KIR3DL2: variants seen among roughly 807,000 people sequenced by gnomAD.
KIR3DL2 encodes killer cell immunoglobulin-like receptor 3DL2.
KIR3DL2 carries 42 observed loss-of-function variants against 41.6 expected under a neutral mutation model. The ratio of observed to expected loss-of-function variants is 1.01; its 90% CI spans 0.79 to 1.31. The LOEUF (loss-of-function observed/expected upper bound fraction) is 1.31, where lower values mean the gene tolerates loss of function less well. KIR3DL2 is among the 50% of genes most tolerant of loss of function. KIR3DL2 has a pLI of 0.00. For missense variants in KIR3DL2, 728 were observed against 576.8 expected, an observed-to-expected ratio of 1.26 and a Z score of -2.68; for synonymous variants, 230 against 221.3, an observed-to-expected ratio of 1.04 and a Z score of -0.35.
In KIR3DL2 at chr19:54,866,523, A is replaced by G. The variant is rs771603824; in HGVS notation, c.1160A>G (p.Asp387Gly). The change falls in exon 9 of 9, where the codon GAC becomes GGC. Residue 387 changes from aspartate to glycine, a missense_variant and splice_region_variant. Coordinates refer to ENST00000326321, the MANE Select transcript of KIR3DL2 (RefSeq NM_006737.4). ...PAGDRTVNRQ[D>G]SDEQDPQEVT... ...CACTCAGCATTTCCCTCTCTCCAGG[A>G]CTCTGATGAACAAGACCCTCAGGAG... is the stretch of plus-strand genomic sequence containing the variant. The G allele has an allele frequency of 4.2e-4, 675 of 1,613,752 alleles. 2 individuals are homozygous for G. Among genetic ancestry groups the G allele is most frequent in the Non-Finnish European group, 5.6e-4 (658 of 1,179,940 alleles).
chr19:54,863,841 G>T (rs1266247364), intron 6 of KIR3DL2, among the ~76,000 whole-genome samples: 2 of 151,984 alleles, frequency 1.3e-5, no homozygotes, highest in Admixed American at 6.5e-5. Flanking sequence ...CTTTTGCTGT[G>T]CAGAAGCTCT....
chr19:54,852,611 G>A (rs935703251), intron 3 of KIR3DL2, among the ~76,000 whole-genome samples: 13 of 150,530 alleles, frequency 8.6e-5, no homozygotes, highest in Admixed American at 1.3e-4. Context: ...AAGGGTCCGC[G>A]TGAGAGGTGG....
chr19:54,851,986 C>T lies in KIR3DL2; in HGVS notation c.71-12C>T. On this transcript the variant is annotated splice_polypyrimidine_tract_variant and intron_variant, in intron 2 of 8. Coordinates refer to ENST00000326321, the MANE Select transcript of KIR3DL2 (RefSeq NM_006737.4). ...ATCCTCCTCTCTAAGGCAGTGCCTCCTTCTCCCCCAGGTGGTCAGGACAAA... is the reference window on the plus strand; with the variant it reads ...ATCCTCCTCTCTAAGGCAGTGCCTCTTTCTCCCCCAGGTGGTCAGGACAAA... 2 of 1,607,504 alleles carry T rather than the reference C, an allele frequency of 1.2e-6. No homozygotes were observed. Among genetic ancestry groups the T allele is most frequent in the South Asian group, 1.1e-5 (1 of 90,994 alleles).
At position 54,860,664 on chromosome 19, in the gene KIR3DL2, G is replaced by C. The variant is rs372439863; in HGVS notation, c.1000+1535G>C. On this transcript the variant is annotated intron_variant, in intron 6 of 8. Coordinates refer to ENST00000326321, the MANE Select transcript of KIR3DL2 (RefSeq NM_006737.4). The stretch of plus-strand genomic sequence containing the variant: ...CGCTGGGATAAGAGGCATGAGCCAC[G>C]GGGCCAAGCCAAATTTTCAAATCAA... 9.4e-5 allele frequency among the ~76,000 whole-genome samples: 14 copies of C among 149,280 alleles called. 1 individual carries two copies. The highest frequency in any genetic ancestry group is 4.3e-4 in the South Asian group (2 of 4,672).
chr19:54,866,366 A>C lies in KIR3DL2; in HGVS notation c.1106-4A>C. On this transcript the variant is annotated splice_region_variant and splice_polypyrimidine_tract_variant and intron_variant, in intron 7 of 8. Coordinates refer to ENST00000326321, the MANE Select transcript of KIR3DL2 (RefSeq NM_006737.4). ...GCGGTTTTGATGACTTCCGTCTCCT[A>C]CAGATGCTGCTGTAATGGACCAAGA... The C allele has an allele frequency of 6.2e-7, 1 of 1,613,952 alleles. No individual in the cohort carries two copies. Among genetic ancestry groups the C allele is most frequent in the Non-Finnish European group, 8.5e-7 (1 of 1,179,946 alleles).
chr19:54,860,410 G>A lies in KIR3DL2; in HGVS notation c.1000+1281G>A, dbSNP rs1374693576. Among the ~76,000 whole-genome samples, 12 of 152,086 alleles carry A rather than the reference G, an allele frequency of 7.9e-5. No homozygotes were observed. In the South Asian group the frequency reaches 8.3e-4, roughly 11 times the overall value. On this transcript the variant is annotated intron_variant, in intron 6 of 8. Transcript: ENST00000326321. Reference sequence around the variant, plus strand: ...TATTGAGACGGAGCCTTGCTCTGTCGTCCAGGCTAGAGTGCGGTGGCATGA... The same window carrying A: ...TATTGAGACGGAGCCTTGCTCTGTCATCCAGGCTAGAGTGCGGTGGCATGA...
intron 6 of KIR3DL2, among the ~76,000 whole-genome samples, chr19:54,859,366 C>T (rs373698206): frequency 1.4e-4 from 21 of 152,212 alleles, no homozygotes; most frequent in African/African-American, 4.8e-4. Context: ...GAATAATTGC[C>T]AATCTGACAT....
At chr19:54,864,049 G>T (rs2065351032) in intron 6 of KIR3DL2, among the ~76,000 whole-genome samples, 2 of 152,048 alleles carry the variant, frequency 1.3e-5, no homozygotes, top group Admixed American at 1.3e-4. Flanking sequence ...TGTAAGGAAG[G>T]GATCCAGTTT....
At chr19:54,856,681 T>C (rs1601773064) in intron 5 of KIR3DL2, among the ~76,000 whole-genome samples, 1 of 151,906 alleles carries the variant, frequency 6.6e-6, no homozygotes, top group Non-Finnish European at 1.5e-5. Flanking sequence ...GAGACTCTGT[T>C]TCTAAATAAA....
chr19:54,862,270 T>G (rs564548902), intron 6 of KIR3DL2, among the ~76,000 whole-genome samples: 1 of 152,116 alleles, frequency 6.6e-6, no homozygotes, highest in Non-Finnish European at 1.5e-5. Context: ...TTCACTTTTG[T>G]GTCCTTTTCT....
chr19:54,850,447 C>A lies in KIR3DL2; in HGVS notation c.-29C>A. On this transcript the variant is annotated 5_prime_UTR_variant, in exon 1 of 9. Transcript: ENST00000326321. ...TGTGCGCTGCTGAGCTGAGCTGGGG[C>A]GCGGCCTCCTGTCTGCACCGGCAGC... 6.2e-7 allele frequency: 1 copy of A among 1,607,496 alleles called. No individual in the cohort carries two copies. The highest frequency in any genetic ancestry group is 8.5e-7 in the Non-Finnish European group (1 of 1,179,694).
At chr19:54,858,125 T>A (rs1292535824) in intron 5 of KIR3DL2, among the ~76,000 whole-genome samples, 1 of 151,576 alleles carries the variant, frequency 6.6e-6, no homozygotes, top group African/African-American at 2.4e-5. Flanking sequence ...TGGTTTATCT[T>A]TGGTGGTGCA....
intron 6 of KIR3DL2, among the ~76,000 whole-genome samples, chr19:54,859,393 G>T (rs1332995269): frequency 6.6e-6 from 1 of 152,122 alleles, no homozygotes; most frequent in Admixed American, 6.5e-5. Flanking sequence ...CAGGAAAAAT[G>T]CAGTGTTTTT....
rs750732527 is a variant in KIR3DL2, at chr19:54,855,847, G to T, written c.884G>T (p.Gly295Val). The T allele has an allele frequency of 1.9e-6, 3 of 1,613,432 alleles. No individual in the cohort carries two copies. The highest frequency in any genetic ancestry group is 1.7e-5 in the Admixed American group (1 of 59,982). The change falls in exon 5 of 9, where the codon GGC (glycine) becomes GTC (valine). Residue 295 changes from glycine to valine, a missense_variant. Gly to Val is a moderately radical substitution (Grantham distance 109). Coordinates refer to ENST00000326321, the MANE Select transcript of KIR3DL2 (RefSeq NM_006737.4). The part of the protein sequence containing the change: ...ATHGGTYRCF[G>V]SFRALPCVWS... ...CACGGAGGGACCTACAGATGCTTCG[G>T]CTCTTTCCGTGCCCTGCCCTGCGTG...
intron 5 of KIR3DL2, among the ~76,000 whole-genome samples, chr19:54,856,479 G>A (rs1240406103): frequency 2.6e-5 from 4 of 151,556 alleles, no homozygotes; most frequent in South Asian, 2.1e-4. Context: ...TCAGGGACTC[G>A]AGATCAGCCT....
At position 54,866,559 on chromosome 19, in the gene KIR3DL2, C is replaced by A. The variant is rs754703452; in HGVS notation, c.1196C>A (p.Ala399Glu). 9 of 1,613,970 alleles carry A rather than the reference C, an allele frequency of 5.6e-6. No individual in the cohort carries two copies. In the African/African-American group the frequency reaches 9.3e-5, roughly 17 times the overall value. Residue 399 changes from alanine to glutamate, a missense_variant, in exon 9 of 9, where the codon GCA becomes GAA. Ala to Glu is a moderately radical substitution (Grantham distance 107). Coordinates refer to ENST00000326321, the MANE Select transcript of KIR3DL2 (RefSeq NM_006737.4). Reference protein sequence around the residue: ...DEQDPQEVTYAQLDHCVFIQR... With the variant: ...DEQDPQEVTYEQLDHCVFIQR... ...CAAGACCCTCAGGAGGTGACGTACG[C>A]ACAGTTGGATCACTGCGTTTTCATA...
rs1265067876 is a variant in KIR3DL2 at position 54,867,159 on chromosome 19, A to G, written c.*428A>G. 9.5e-6 allele frequency: 2 copies of G among 210,508 alleles called. No homozygotes were observed. Among genetic ancestry groups the G allele is most frequent in the Non-Finnish European group, 1.9e-5 (2 of 106,594 alleles). The allele number at this position is 210,508 out of a possible 1,614,324, so 13.0% of individuals were successfully genotyped here. ...TCAGTAAAATTTATAAATTTTTTTT[A>G]TAACTTCAGTGTAGCTCTCTCCTCT... On this transcript the variant is annotated 3_prime_UTR_variant, in exon 9 of 9. Transcript: ENST00000326321.
Position 54,866,407 on chromosome 19 carries a change from A to C in KIR3DL2, c.1143A>C (p.Arg381Ser), listed in dbSNP as rs543280888. ...AVMDQEPAGDRTVNRQDSDEQ... is the reference protein window; with the variant it reads ...AVMDQEPAGDSTVNRQDSDEQ... ...TGGACCAAGAGCCTGCGGGGGACAG[A>C]ACAGTGAATAGGCAGGTAGGTCCTC... Residue 381 changes from arginine (R) to serine (S), a missense_variant, in exon 8 of 9, where the codon AGA (arginine) becomes AGC (serine). Arg to Ser is a moderately radical substitution (Grantham distance 110). Coordinates refer to ENST00000326321, the MANE Select transcript of KIR3DL2 (RefSeq NM_006737.4). 4.3e-6 allele frequency: 7 copies of C among 1,614,008 alleles called. No individual in the cohort carries two copies. In the Admixed American group the frequency reaches 1.0e-4, roughly 23 times the overall value.
At chr19:54,859,259 A>G (rs1468982124) in intron 6 of KIR3DL2, 130 bp downstream of exon 6, 1 of 932,198 alleles carries the variant, frequency 1.1e-6, no homozygotes, top group Middle Eastern at 2.3e-4. Context: ...TGAACTCCAG[A>G]CACTCCAACA....
Sources: gnomAD v4.1 joint callset for allele counts (sites outside exome capture counted in the v4.1 genomes callset) on GRCh38, gnomAD v4.1.1 for gene constraint, MANE v1.5 for transcripts, NCBI Gene and HGNC (gene_info 2026-07-23, HGNC 2026-07-21) for gene names.